Variants in VPS35L observed in about 807,000 individuals in gnomAD.
The protein encoded by VPS35L is VPS35 endosomal protein-sorting factor-like.
Under a neutral mutation model 133.0 loss-of-function variants are expected in VPS35L, and 83 were observed. The observed-to-expected ratio is 0.62, with a 90% CI of 0.52 to 0.75. VPS35L has a LOEUF of 0.75. Ranked by LOEUF, VPS35L falls within the 30% of genes least tolerant of loss-of-function variation. VPS35L has a pLI of 0.00. For synonymous variants in VPS35L, 423 were observed against 449.9 expected (o/e 0.94, Z 0.76); for missense variants, 1,083 against 1,206.8 (o/e 0.90, Z 1.52).
At chr16:19,621,013 C>T (rs911458327) in intron 14 of VPS35L, among the ~76,000 whole-genome samples, 4 of 151,766 alleles carry the variant, frequency 2.6e-5, no homozygotes, top group African/African-American at 9.7e-5. Context: ...AAACAGACAT[C>T]TGTCAGTTAG....
At chr16:19,654,012 C>T (rs763205060) in intron 26 of VPS35L, among the ~76,000 whole-genome samples, 5 of 152,206 alleles carry the variant, frequency 3.3e-5, no homozygotes, top group Non-Finnish European at 7.3e-5. Flanking sequence ...GCATCCTCAT[C>T]TCCCATTTGC....
chr16:19,612,623 A>G (rs149541810), intron 12 of VPS35L, among the ~76,000 whole-genome samples: 1 of 152,226 alleles, frequency 6.6e-6, no homozygotes, highest in Non-Finnish European at 1.5e-5. Flanking sequence ...ACACACCTTG[A>G]CATCATTTGA....
At chr16:19,669,469 G>A (rs61631025) in intron 27 of VPS35L, among the ~76,000 whole-genome samples, 170 bp downstream of exon 27, 52,555 of 151,416 alleles carry the variant, frequency 0.35, 9,286 homozygotes, top group African/African-American at 0.37. Flanking sequence ...TGCTGGGTGG[G>A]GATCATACTA....
At chr16:19,628,347 G>C (rs907576715) in intron 16 of VPS35L, among the ~76,000 whole-genome samples, 1 of 152,122 alleles carries the variant, frequency 6.6e-6, no homozygotes, top group African/African-American at 2.4e-5. Flanking sequence ...GACAGAGTGA[G>C]ACCCTGTCTC....
At chr16:19,664,349 G>T (rs1203571673) in intron 26 of VPS35L, among the ~76,000 whole-genome samples, 1 of 151,910 alleles carries the variant, frequency 6.6e-6, no homozygotes, top group African/African-American at 2.4e-5. Flanking sequence ...GTCTGTGTTT[G>T]CTCTCTGCCC....
At chr16:19,656,906 C>T (rs1012906485) in intron 26 of VPS35L, among the ~76,000 whole-genome samples, 3 of 151,388 alleles carry the variant, frequency 2.0e-5, no homozygotes, top group Non-Finnish European at 4.4e-5. Flanking sequence ...CTTGCGGTTC[C>T]TCCAAAGCTG....
intron 22 of VPS35L, among the ~76,000 whole-genome samples, chr16:19,643,681 C>T (rs1481805705): frequency 6.6e-6 from 1 of 152,070 alleles, no homozygotes; most frequent in African/African-American, 2.4e-5. Context: ...CATGGTGTCT[C>T]ACACCTGTAA....
chr16:19,608,279 C>A lies in VPS35L; in HGVS notation c.881+5C>A. On this transcript the variant is annotated splice_donor_5th_base_variant and intron_variant, in intron 10 of 30. Transcript: ENST00000417362. ...CAGGGAACTCATTCCAAGATTGTATCCTTTTTTTTTTTTTTGGTCTGATGA... is the reference window on the plus strand; with the variant it reads ...CAGGGAACTCATTCCAAGATTGTATACTTTTTTTTTTTTTTGGTCTGATGA... The A allele has an allele frequency of 1.3e-6, 2 of 1,495,620 alleles. No individual in the cohort carries two copies. Among genetic ancestry groups the A allele is most frequent in the Non-Finnish European group, 1.8e-6 (2 of 1,104,580 alleles). 92.6% of individuals were successfully genotyped at this position (1,495,620 alleles called of 1,614,324 possible).
intron 5 of VPS35L, chr16:19,578,158 C>T (rs541125469): frequency 2.5e-4 from 103 of 418,922 alleles, no homozygotes; most frequent in Non-Finnish European, 4.5e-4. Context: ...TATGCCTGCT[C>T]TTGTGCTACA....
chr16:19,574,541 A>G (rs1211999651), intron 4 of VPS35L, among the ~76,000 whole-genome samples: 2 of 152,038 alleles, frequency 1.3e-5, no homozygotes, highest in Non-Finnish European at 2.9e-5. Context: ...TTTTCCTCCC[A>G]GGGTGTGTAC....
chr16:19,647,598 T>C (rs1318759419), intron 23 of VPS35L, among the ~76,000 whole-genome samples, 186 bp from the exon 24 acceptor site: 2 of 152,180 alleles, frequency 1.3e-5, no homozygotes, highest in Admixed American at 1.3e-4. Flanking sequence ...GTGGTTTCCT[T>C]CAGAGTCTGG....
chr16:19,579,012 G>A (rs11861774), intron 5 of VPS35L, 40 bp from the exon 6 acceptor site: 43,095 of 1,594,586 alleles, frequency 0.027, 1,425 homozygotes, highest in African/African-American at 0.17. Context: ...ATTGGTGCAC[G>A]AGAAAAGCCA....
chr16:19,677,092 G>C (rs574921014), intron 27 of VPS35L, among the ~76,000 whole-genome samples: 108 of 150,088 alleles, frequency 7.2e-4, no homozygotes, highest in Non-Finnish European at 1.4e-3. Context: ...TTGAGATGGA[G>C]TCATGCTCTG....
chr16:19,581,767 C>G (rs1971718746), intron 7 of VPS35L, 114 bp downstream of exon 7: 2 of 1,250,686 alleles, frequency 1.6e-6, no homozygotes, highest in South Asian at 2.8e-5. Context: ...TTTCTCATCC[C>G]TTTCTTTTTC....
At chr16:19,677,867 CT>C (rs1219622282) in intron 27 of VPS35L, among the ~76,000 whole-genome samples, 1 of 152,176 alleles carries the variant, frequency 6.6e-6, no homozygotes, top group African/African-American at 2.4e-5. Context: ...TTCTAAAGGG[CT>C]TTATGATTAC....
intron 27 of VPS35L, among the ~76,000 whole-genome samples, chr16:19,672,675 G>C (rs566927929): frequency 1.3e-5 from 2 of 152,106 alleles, no homozygotes. Flanking sequence ...CCCAAGATGG[G>C]GCAGCGTGCA....
chr16:19,623,766 TTTATTATTATTATTATTATTA>T (rs199933640), intron 14 of VPS35L, among the ~76,000 whole-genome samples: 11 of 126,840 alleles, frequency 8.7e-5, no homozygotes, highest in East Asian at 2.2e-4. Context: ...TACTTATTTA[TTTATTATTATTATTATTATTA>T]TTATTATTAT....
At chr16:19,566,049 G>A (rs1971178017) in intron 2 of VPS35L, among the ~76,000 whole-genome samples, 1 of 152,134 alleles carries the variant, frequency 6.6e-6, no homozygotes, top group Non-Finnish European at 1.5e-5. Context: ...GAGGCTCTGG[G>A]AATGTATGGA....
chr16:19,698,686 C>G (rs968939258), intron 29 of VPS35L, among the ~76,000 whole-genome samples: 2 of 152,132 alleles, frequency 1.3e-5, no homozygotes, highest in African/African-American at 4.8e-5. Context: ...TGTCAGGGAG[C>G]AGACATGAGA....
Sources: allele counts gnomAD v4.1 joint callset (sites outside exome capture counted in the v4.1 genomes callset), GRCh38; gene constraint gnomAD v4.1.1; transcripts MANE v1.5; gene names NCBI Gene and HGNC (gene_info 2026-07-23, HGNC 2026-07-21).